Variants in ARHGAP39 observed in about 807,000 individuals in gnomAD.
ARHGAP39 encodes the protein Rho GTPase activating protein 39.
Under a neutral mutation model 106.9 loss-of-function variants are expected in ARHGAP39, and 44 were observed. That is an observed-to-expected ratio of 0.41 (90% confidence interval 0.32 to 0.53). The LOEUF is 0.53. Among genes scored for constraint, ARHGAP39 ranks in the 20% least tolerant of loss-of-function variants. ARHGAP39 has a pLI of 0.21. For missense variants in ARHGAP39, 1,496 were observed against 1,577.3 expected, an observed-to-expected ratio of 0.95 and a Z score of 0.87; for synonymous variants, 768 against 693.2, an observed-to-expected ratio of 1.11 and a Z score of -1.69.
At chr8:144,574,392 T>C (rs148804167) in intron 3 of ARHGAP39, among the ~76,000 whole-genome samples, 3,023 of 152,100 alleles carry the variant, frequency 0.02, 93 homozygotes, top group African/African-American at 0.07. Flanking sequence ...AAAATTAGGC[T>C]GGGTGTGGTG....
intron 1 of ARHGAP39, among the ~76,000 whole-genome samples, chr8:144,677,572 T>C (rs1052762218): frequency 3.3e-5 from 5 of 152,128 alleles, no homozygotes; most frequent in African/African-American, 1.2e-4. Flanking sequence ...TACAGCCAAA[T>C]ACAGTGCGGC....
chr8:144,697,981 T>C, the ARHGAP39 span, among the ~76,000 whole-genome samples: 105 of 152,354 alleles, frequency 6.9e-4, no homozygotes, highest in Middle Eastern at 3.4e-3. Context: ...CTATAGATTC[T>C]TTGAGCTCTA....
intron 4 of ARHGAP39, among the ~76,000 whole-genome samples, chr8:144,553,709 G>C (rs994082696): frequency 6.6e-6 from 1 of 152,242 alleles, no homozygotes; most frequent in African/African-American, 2.4e-5. Flanking sequence ...CTGGTGTGGA[G>C]CAGCCCCCAA....
At chr8:144,575,889 A>G (rs1364011197) in intron 3 of ARHGAP39, among the ~76,000 whole-genome samples, 1 of 152,228 alleles carries the variant, frequency 6.6e-6, no homozygotes, top group African/African-American at 2.4e-5. Flanking sequence ...ATGGTAGGTC[A>G]TAGAACCTTT....
At chr8:144,574,690 A>C (rs754417886) in intron 3 of ARHGAP39, among the ~76,000 whole-genome samples, 3 of 152,166 alleles carry the variant, frequency 2.0e-5, no homozygotes, top group Non-Finnish European at 2.9e-5. Flanking sequence ...AAAAAATAAT[A>C]ATAATAAAAA....
At chr8:144,623,839 T>G (rs1820869358) in intron 1 of ARHGAP39, among the ~76,000 whole-genome samples, 1 of 152,162 alleles carries the variant, frequency 6.6e-6, no homozygotes, top group Non-Finnish European at 1.5e-5. Context: ...GAGAGGCCAC[T>G]GGGCAAGTAA....
At chr8:144,685,486 C>T (rs960872865) in intron 1 of ARHGAP39, among the ~76,000 whole-genome samples, 200 bp downstream of exon 1, 3 of 147,304 alleles carry the variant, frequency 2.0e-5, no homozygotes, top group Non-Finnish European at 3.0e-5. Context: ...CCCGGCCGGG[C>T]CCCGCACACC....
At chr8:144,533,384 C>G (rs1816812635) in intron 8 of ARHGAP39, 59 bp from the exon 9 acceptor site, 2 of 1,543,706 alleles carry the variant, frequency 1.3e-6, no homozygotes, top group Non-Finnish European at 1.8e-6. Context: ...CCCCCCGCCA[C>G]CCCGGTTGTC....
chr8:144,604,019 C>A lies in ARHGAP39; in HGVS notation c.80+1516G>T, dbSNP rs932069929. 6.6e-6 allele frequency among the ~76,000 whole-genome samples: 1 copy of A among 152,200 alleles called. No homozygotes were observed. Among genetic ancestry groups the A allele is most frequent in the Non-Finnish European group, 1.5e-5 (1 of 68,044 alleles). ...CTCACAGCCCACATCAGCGAACAAA[C>A]GAATGAAGAACGAACAAACGAATGA... On this transcript the variant is annotated intron_variant, in intron 2 of 11. Transcript: ENST00000377307. This position sits in a 1 kb window ranked among gnomAD's most constrained non-coding sequence, Gnocchi z 4.1.
intron 1 of ARHGAP39, among the ~76,000 whole-genome samples, chr8:144,650,096 T>C (rs769692483): frequency 2.6e-5 from 4 of 151,942 alleles, no homozygotes; most frequent in East Asian, 1.9e-4. Flanking sequence ...TGAGCTGAGA[T>C]TGTGGCACTG....
chr8:144,542,912 A>C (rs1358731462), intron 6 of ARHGAP39, among the ~76,000 whole-genome samples: 107 of 149,724 alleles, frequency 7.1e-4, no homozygotes, highest in Admixed American at 2.2e-3. Flanking sequence ...GCACTCCTGA[A>C]CTCCAGCCTG....
chr8:144,567,915 C>A (rs528035993), intron 3 of ARHGAP39, among the ~76,000 whole-genome samples: 1 of 152,268 alleles, frequency 6.6e-6, no homozygotes, highest in South Asian at 2.1e-4. Flanking sequence ...GCATTCAGGG[C>A]CACTACCGGT....
In ARHGAP39 at chr8:144,619,801, C is replaced by T. The variant is rs546883037; in HGVS notation, c.-81-14106G>A. 7.1e-4 allele frequency among the ~76,000 whole-genome samples: 96 copies of T among 135,150 alleles called. 3 individuals carry two copies. The highest frequency in any genetic ancestry group is 2.4e-3 in the African/African-American group (84 of 35,542). 88.7% of individuals were successfully genotyped at this position (135,150 alleles called of 152,430 possible). A position where few individuals can be genotyped will look rare whatever the true frequency, so the allele number is the denominator to read the frequency against. Reference sequence around the variant, plus strand: ...GCCTGTGTCCGAGAGAGCGCGTGCCCGTGTGTGTGAGCTTGTGTCCCTGAG... The same window carrying T: ...GCCTGTGTCCGAGAGAGCGCGTGCCTGTGTGTGTGAGCTTGTGTCCCTGAG... On this transcript the variant is annotated intron_variant, in intron 1 of 11. Transcript: ENST00000377307.
intron 1 of ARHGAP39, among the ~76,000 whole-genome samples, chr8:144,630,307 G>A (rs1160387560): frequency 6.6e-6 from 1 of 152,236 alleles, no homozygotes; most frequent in African/African-American, 2.4e-5. Context: ...AACCATGCCT[G>A]TCTGGAAATG....
At chr8:144,620,277 G>A (rs1402936724) in intron 1 of ARHGAP39, among the ~76,000 whole-genome samples, 2 of 134,876 alleles carry the variant, frequency 1.5e-5, no homozygotes, top group Non-Finnish European at 3.2e-5. Context: ...GTGTGTGCCC[G>A]TGTCTGTTAG....
intron 1 of ARHGAP39, among the ~76,000 whole-genome samples, chr8:144,617,205 TAA>T (rs377397330): frequency 7.2e-6 from 1 of 139,488 alleles, no homozygotes. Flanking sequence ...AGACTCTGTG[TAA>T]AAAAAAAAAA....
chr8:144,653,735 G>C (rs1821628546), intron 1 of ARHGAP39, among the ~76,000 whole-genome samples: 1 of 152,242 alleles, frequency 6.6e-6, no homozygotes, highest in African/African-American at 2.4e-5. Flanking sequence ...GGAATAACTA[G>C]AAATTGTAAT....
chr8:144,677,649 A>G (rs1822278016), intron 1 of ARHGAP39, among the ~76,000 whole-genome samples: 1 of 152,226 alleles, frequency 6.6e-6, no homozygotes, highest in African/African-American at 2.4e-5. Flanking sequence ...TGAAAAAGGC[A>G]AGGTTCAGAA....
chr8:144,686,887 G>A (rs62529934), upstream of ARHGAP39, among the ~76,000 whole-genome samples: 24,703 of 30,460 alleles, frequency 0.81, 10,918 homozygotes, highest in African/African-American at 0.84. Flanking sequence ...ACAACACACT[G>A]GCGGCGAGCA....
Sources: allele counts gnomAD v4.1 joint callset (sites outside exome capture counted in the v4.1 genomes callset), GRCh38; gene constraint gnomAD v4.1.1; non-coding constraint Gnocchi (gnomAD v3.1); transcripts MANE v1.5; gene names NCBI Gene and HGNC (gene_info 2026-07-23, HGNC 2026-07-21).